INSYN2A: variants seen among roughly 807,000 people sequenced by gnomAD.
The protein encoded by INSYN2A is inhibitory synaptic factor 2A.
Under a neutral mutation model 39.4 loss-of-function variants are expected in INSYN2A, and 17 were observed. That is an observed-to-expected ratio of 0.43 (90% CI 0.30 to 0.65). The LOEUF (loss-of-function observed/expected upper bound fraction) is 0.65, where lower values mean the gene tolerates loss of function less well. Among genes scored for constraint, INSYN2A ranks in the 30% least tolerant of loss-of-function variants. INSYN2A has a pLI of 0.14. For missense variants in INSYN2A, 595 were observed against 631.2 expected, an observed-to-expected ratio of 0.94 and a Z score of 0.61; for synonymous variants, 255 against 265.7, an observed-to-expected ratio of 0.96 and a Z score of 0.39.
chr10:127,161,405 C>T lies in INSYN2A; in HGVS notation c.1185-7482G>A, dbSNP rs1465677908. On this transcript the variant is annotated intron_variant, in intron 4 of 5. Transcript: ENST00000522781. ...CCTTTTTCCCAGTAGCTGATAGGACCCATCTGTCAGCCAGCATCCAACTTG... is the reference window on the plus strand; with the variant it reads ...CCTTTTTCCCAGTAGCTGATAGGACTCATCTGTCAGCCAGCATCCAACTTG... Among the ~76,000 whole-genome samples the T allele has an allele frequency of 2.0e-5, 3 of 152,250 alleles. No individual in the cohort carries two copies. In the East Asian group the frequency reaches 5.8e-4, roughly 29 times the overall value.
At chr10:127,161,326 C>T (rs1254425271) in intron 4 of INSYN2A, among the ~76,000 whole-genome samples, 3 of 152,158 alleles carry the variant, frequency 2.0e-5, no homozygotes, top group Non-Finnish European at 4.4e-5. Flanking sequence ...CTCCCAGGAT[C>T]ACCCCTTCAT....
intron 1 of INSYN2A, among the ~76,000 whole-genome samples, chr10:127,194,277 C>A (rs1359796568): frequency 6.6e-6 from 1 of 152,182 alleles, no homozygotes; most frequent in Non-Finnish European, 1.5e-5. Context: ...ATAAAACCAT[C>A]GTGAGGAGCA....
intron 4 of INSYN2A, among the ~76,000 whole-genome samples, chr10:127,162,680 C>T (rs1185399216): frequency 1.1e-4 from 16 of 152,182 alleles, no homozygotes; most frequent in Non-Finnish European, 1.8e-4. Flanking sequence ...GGATAATTTT[C>T]AACAAGCCTA....
chr10:127,157,438 T>C (rs1264999374), intron 4 of INSYN2A, among the ~76,000 whole-genome samples: 1 of 152,254 alleles, frequency 6.6e-6, no homozygotes, highest in Non-Finnish European at 1.5e-5. Flanking sequence ...GGGAAGCCAC[T>C]ATAGTTTTTC....
intron 5 of INSYN2A, among the ~76,000 whole-genome samples, chr10:127,144,536 AC>A (rs766833423): frequency 2.6e-5 from 4 of 152,198 alleles, no homozygotes; most frequent in Non-Finnish European, 5.9e-5. Context: ...GATGAACTGA[AC>A]CAAATCCCCT....
In INSYN2A at chr10:127,176,206, G is replaced by C; in HGVS notation, c.190C>G (p.Leu64Val). 1.2e-6 allele frequency: 2 copies of C among 1,614,146 alleles called. No homozygotes were observed. The highest frequency in any genetic ancestry group is 1.3e-5 in the African/African-American group (1 of 75,044). The stretch of plus-strand genomic sequence containing the variant: ...TTCTCCCCCAGCTGGCCCGAGGACA[G>C]CTGTGTGTCCCTCTGCTCATTCTGT... ...EAQNEQRDTQ[L>V]SSGQLGEKRE... Residue 64 changes from leucine (L) to valine (V), a missense_variant, in exon 4 of 6, where the codon CTG (leucine) becomes GTG (valine). Leu to Val is a conservative substitution (Grantham distance 32). Around this residue, in one of 2 missense-constraint regions of INSYN2A, gnomAD observed 478 missense variants for 467.4 expected, o/e 1.02. Coordinates refer to ENST00000522781, the MANE Select transcript of INSYN2A (RefSeq NM_001039762.3). The surrounding 1 kb of genome is among the most constrained non-coding windows in gnomAD (Gnocchi z 4.4).
intron 5 of INSYN2A, chr10:127,145,986 C>T (rs374863716): frequency 1.9e-4 from 98 of 515,806 alleles, no homozygotes; most frequent in African/African-American, 1.8e-3. Flanking sequence ...GCCCTGGGGA[C>T]CCCGCACCCT....
intron 2 of INSYN2A, among the ~76,000 whole-genome samples, chr10:127,191,173 C>T (rs541578931): frequency 2.0e-5 from 3 of 152,252 alleles, no homozygotes; most frequent in African/African-American, 7.2e-5. Flanking sequence ...CAAGCATCAC[C>T]CACGAAGTGA....
At chr10:127,194,649 C>G (rs892286525) in intron 1 of INSYN2A, among the ~76,000 whole-genome samples, 5 of 152,132 alleles carry the variant, frequency 3.3e-5, no homozygotes, top group African/African-American at 1.2e-4. Context: ...ACCCAGCCAG[C>G]GCAGTCACTC....
chr10:127,150,768 A>T (rs966555525), intron 5 of INSYN2A, among the ~76,000 whole-genome samples: 1 of 152,138 alleles, frequency 6.6e-6, no homozygotes, highest in Admixed American at 6.5e-5. Flanking sequence ...AAAATATTCA[A>T]TGAAAAAGGT....
intron 5 of INSYN2A, 92 bp from the exon 6 acceptor site, chr10:127,138,112 T>C: frequency 8.9e-7 from 1 of 1,121,896 alleles, no homozygotes; most frequent in Non-Finnish European, 1.3e-6. Flanking sequence ...ATGATCAGTG[T>C]GTGTTTGTAA....
At chr10:127,165,559 C>T (rs1400909304) in intron 4 of INSYN2A, among the ~76,000 whole-genome samples, 1 of 152,138 alleles carries the variant, frequency 6.6e-6, no homozygotes, top group Non-Finnish European at 1.5e-5. Flanking sequence ...AATGTTCTTT[C>T]CAGCCTATCT....
intron 5 of INSYN2A, among the ~76,000 whole-genome samples, chr10:127,151,132 AT>A (rs1426731532): frequency 6.6e-6 from 1 of 152,200 alleles, no homozygotes; most frequent in African/African-American, 2.4e-5. Context: ...GAAAACTCTT[AT>A]CCAACATAAT....
intron 5 of INSYN2A, chr10:127,145,889 C>T (rs1215972142): frequency 1.2e-5 from 5 of 434,354 alleles, no homozygotes; most frequent in African/African-American, 1.0e-4. Context: ...TCACCAGTGA[C>T]CGGTCTAAAC....
At chr10:127,182,906 ACAAT>A (rs1183396937) in intron 2 of INSYN2A, among the ~76,000 whole-genome samples, 13 of 152,064 alleles carry the variant, frequency 8.5e-5, no homozygotes, top group Admixed American at 1.3e-4. Flanking sequence ...TGATGAAGCA[ACAAT>A]CAGCTGGTAG....
At chr10:127,143,357 C>G (rs1382343011) in intron 5 of INSYN2A, among the ~76,000 whole-genome samples, 2 of 152,206 alleles carry the variant, frequency 1.3e-5, no homozygotes, top group African/African-American at 4.8e-5. Context: ...CTTTAATTCT[C>G]TTTGAATTAG....
intron 4 of INSYN2A, among the ~76,000 whole-genome samples, chr10:127,156,848 G>A (rs1054562300): frequency 1.5e-4 from 23 of 152,202 alleles, no homozygotes; most frequent in African/African-American, 5.3e-4. Context: ...GATTACAGGC[G>A]TGTGCCACCA....
chr10:127,164,478 C>T (rs865870709), intron 4 of INSYN2A, among the ~76,000 whole-genome samples: 9 of 152,240 alleles, frequency 5.9e-5, no homozygotes, highest in Admixed American at 3.3e-4. Flanking sequence ...CCACTGCTCC[C>T]GGCCCTGCCT....
chr10:127,141,806 AC>A (rs1253826247), intron 5 of INSYN2A, among the ~76,000 whole-genome samples: 4 of 152,188 alleles, frequency 2.6e-5, no homozygotes, highest in Non-Finnish European at 4.4e-5. Context: ...CTTGCCACAG[AC>A]AAATAGGGCT....
Sources: gnomAD v4.1 joint callset for allele counts (sites outside exome capture counted in the v4.1 genomes callset) on GRCh38, gnomAD v4.1.1 for gene constraint, gnomAD v4.1.1 regional missense constraint, Gnocchi (gnomAD v3.1) non-coding constraint, MANE v1.5 for transcripts, NCBI Gene and HGNC (gene_info 2026-07-23, HGNC 2026-07-21) for gene names.